Variants in PIBF1 observed in about 807,000 individuals in gnomAD.
PIBF1 encodes progesterone-induced-blocking factor 1.
PIBF1 carries 90 observed loss-of-function variants against 112.5 expected under a neutral mutation model. The observed-to-expected ratio is 0.80, with a 90% CI of 0.67 to 0.95. The LOEUF (loss-of-function observed/expected upper bound fraction) is 0.95. Among genes scored for constraint, PIBF1 ranks in the 40% least tolerant of loss-of-function variants. The pLI, the probability that PIBF1 is intolerant of heterozygous loss-of-function variation, is 0.00. For missense variants in PIBF1, 915 were observed against 852.3 expected, an observed-to-expected ratio of 1.07 and a Z score of -0.92; for synonymous variants, 301 against 288.6, an observed-to-expected ratio of 1.04 and a Z score of -0.44.
intron 14 of PIBF1, among the ~76,000 whole-genome samples, chr13:72,942,095 A>G (rs1468330320): frequency 1.3e-5 from 2 of 152,068 alleles, no homozygotes; most frequent in Non-Finnish European, 2.9e-5. Context: ...GTGTTCTTCC[A>G]GCATCCCCAG....
At chr13:72,907,517 C>T (rs768121732) in intron 11 of PIBF1, among the ~76,000 whole-genome samples, 1 of 152,020 alleles carries the variant, frequency 6.6e-6, no homozygotes, top group African/African-American at 2.4e-5. Context: ...ACACTATGTT[C>T]TAGGTACTCT....
chr13:72,841,945 T>G (rs1265364432), intron 9 of PIBF1, among the ~76,000 whole-genome samples: 4 of 152,190 alleles, frequency 2.6e-5, no homozygotes, highest in Non-Finnish European at 5.9e-5. Context: ...GTTGACAGTT[T>G]AAGGAAAATC....
intron 2 of PIBF1, among the ~76,000 whole-genome samples, chr13:72,790,943 A>G (rs2034891664): frequency 6.6e-6 from 1 of 152,246 alleles, no homozygotes; most frequent in Non-Finnish European, 1.5e-5. Flanking sequence ...CATTTGCTTG[A>G]TGATAGAATG....
At chr13:72,837,277 A>T (rs542897317) in intron 9 of PIBF1, among the ~76,000 whole-genome samples, 82 of 152,198 alleles carry the variant, frequency 5.4e-4, no homozygotes, top group African/African-American at 1.9e-3. Context: ...GCATTTGTTT[A>T]CACTTAGTTT....
In PIBF1 at chr13:73,012,758, C is replaced by CAATAATAAT. The variant is rs60685629; in HGVS notation, c.2224-3093_2224-3085dup. On this transcript the variant is annotated intron_variant, in intron 17 of 17. Coordinates refer to ENST00000326291, the MANE Select transcript of PIBF1 (RefSeq NM_006346.4). ...CAACAGAGCAAGACCCTGTCTCCAC[C>CAATAATAAT]AATAATAATAATAATAATAATAATA... Among the ~76,000 whole-genome samples the CAATAATAAT allele has an allele frequency of 2.2e-3, 322 of 147,568 alleles. 1 individual carries two copies. The highest frequency in any genetic ancestry group is 3.6e-3 in the Non-Finnish European group (240 of 66,918).
rs546305075 is a variant in PIBF1, at chr13:72,841,635, G to A, written c.1223+6267G>A. Among the ~76,000 whole-genome samples the A allele has an allele frequency of 1.3e-4, 20 of 152,190 alleles. No individual in the cohort carries two copies. The South Asian group carries it at 2.7e-3, about 20-fold the overall frequency. On this transcript the variant is annotated intron_variant, in intron 9 of 17. Transcript: ENST00000326291. ...AAAATACAAAAAAAATTAGCCAGGC[G>A]TGGTGGCACAGGCCTGTAGTCCTAT...
At chr13:72,971,122 A>T (rs1468818075) in intron 15 of PIBF1, among the ~76,000 whole-genome samples, 2 of 151,994 alleles carry the variant, frequency 1.3e-5, no homozygotes, top group African/African-American at 4.8e-5. Flanking sequence ...TTACCTCGAC[A>T]TTCCATTCCG....
chr13:72,998,265 C>A (rs1368946776), intron 16 of PIBF1, among the ~76,000 whole-genome samples: 1 of 152,146 alleles, frequency 6.6e-6, no homozygotes, highest in Non-Finnish European at 1.5e-5. Flanking sequence ...GCCAGTGGTT[C>A]CCAAATTTGT....
intron 9 of PIBF1, among the ~76,000 whole-genome samples, chr13:72,841,185 T>C (rs1002721752): frequency 6.6e-6 from 1 of 152,240 alleles, no homozygotes; most frequent in Middle Eastern, 3.2e-3. Flanking sequence ...AGCTTTTTTG[T>C]CTTTTCTGTA....
At chr13:72,831,515 G>A (rs538089901) in intron 8 of PIBF1, among the ~76,000 whole-genome samples, 6 of 152,160 alleles carry the variant, frequency 3.9e-5, no homozygotes, top group African/African-American at 1.2e-4. Flanking sequence ...CCTTCATTTC[G>A]TTGTTTACCC....
At chr13:72,953,641 C>G (rs953664118) in intron 14 of PIBF1, among the ~76,000 whole-genome samples, 7 of 152,162 alleles carry the variant, frequency 4.6e-5, no homozygotes, top group African/African-American at 1.4e-4. Context: ...ATGTACTGGG[C>G]ACATGGACAG....
intron 13 of PIBF1, among the ~76,000 whole-genome samples, chr13:72,929,891 C>G (rs1432926712): frequency 6.6e-6 from 1 of 152,228 alleles, no homozygotes; most frequent in African/African-American, 2.4e-5. Flanking sequence ...GACAGGGTCT[C>G]TGTGTCACCC....
chr13:72,887,671 A>G (rs577391062), intron 10 of PIBF1, among the ~76,000 whole-genome samples: 2 of 152,156 alleles, frequency 1.3e-5, no homozygotes, highest in South Asian at 4.1e-4. Context: ...TGCCTTCAGT[A>G]AAATTAATTT....
chr13:72,898,696 A>G (rs541940991), intron 11 of PIBF1, among the ~76,000 whole-genome samples: 2 of 150,000 alleles, frequency 1.3e-5, no homozygotes, highest in Non-Finnish European at 3.0e-5. Context: ...AAAAAAAAAA[A>G]AATAAAGCCG....
At chr13:72,920,168 C>T (rs1239949407) in intron 13 of PIBF1, among the ~76,000 whole-genome samples, 1 of 152,100 alleles carries the variant, frequency 6.6e-6, no homozygotes, top group South Asian at 2.1e-4. Flanking sequence ...GATTCATACT[C>T]GAAATAATGT....
intron 17 of PIBF1, among the ~76,000 whole-genome samples, chr13:73,014,640 GAAGAGTCTGTGCAT>G (rs897115337): frequency 6.6e-6 from 1 of 152,154 alleles, no homozygotes; most frequent in Admixed American, 6.5e-5. Flanking sequence ...ATTAATAATG[GAAGAGTCTGTGCAT>G]GTGTGGAGCC....
intron 14 of PIBF1, among the ~76,000 whole-genome samples, chr13:72,936,910 A>T (rs931410378): frequency 3.3e-5 from 5 of 152,152 alleles, no homozygotes; most frequent in African/African-American, 1.2e-4. Context: ...CTGACCCATG[A>T]ACATACTGTA....
At chr13:72,893,976 AT>A in intron 11 of PIBF1, 27 bp downstream of exon 11, 1 of 1,350,010 alleles carries the variant, frequency 7.4e-7, no homozygotes, top group African/African-American at 1.6e-5. Flanking sequence ...TTCTTTCAAC[AT>A]TAGCATGGCA....
intron 17 of PIBF1, among the ~76,000 whole-genome samples, chr13:73,001,513 AACT>A (rs1275516969): frequency 7.6e-5 from 11 of 144,290 alleles, no homozygotes; most frequent in Non-Finnish European, 1.5e-5. Context: ...AGCCACACAA[AACT>A]ACTGTTAACT....
Sources: allele counts gnomAD v4.1 joint callset (sites outside exome capture counted in the v4.1 genomes callset), GRCh38; gene constraint gnomAD v4.1.1; transcripts MANE v1.5; gene names NCBI Gene and HGNC (gene_info 2026-07-23, HGNC 2026-07-21).